Variants in BPGM observed in about 807,000 individuals in gnomAD.
BPGM encodes bisphosphoglycerate mutase, also known as 2,3-bisphosphoglycerate mutase, erythrocyte.
Under a neutral mutation model 21.6 loss-of-function variants are expected in BPGM, and 15 were observed. That is an observed-to-expected ratio of 0.70 (90% CI 0.47 to 1.07). The LOEUF (loss-of-function observed/expected upper bound fraction) is 1.07. BPGM is among the 50% of genes least tolerant of loss of function. BPGM has a pLI of 0.00. For missense variants in BPGM, 273 were observed against 319.0 expected (o/e 0.86, Z 1.10); for synonymous variants, 113 against 116.2 (o/e 0.97, Z 0.18).
At chr7:134,657,652 A>G (rs547145381) in intron 1 of BPGM, among the ~76,000 whole-genome samples, 73 of 152,268 alleles carry the variant, frequency 4.8e-4, no homozygotes, top group African/African-American at 1.5e-3. Flanking sequence ...CTAGAGAGAG[A>G]AGCAGTGTCA....
Position 134,661,685 on chromosome 7 carries a change from C to T in BPGM, c.178C>T (p.Leu60Phe), listed in dbSNP as rs1305552961. ...GTTTGATCTTGTATTCACATCTGTC[C>T]TTAATCGGTCCATTCACACAGCCTG... ...FEFDLVFTSV[L>F]NRSIHTAWLI... is the part of the protein sequence containing the mutation. Residue 60 changes from leucine (L) to phenylalanine (F), a missense_variant, in exon 2 of 3, where the codon CTT (leucine) becomes TTT (phenylalanine). By Grantham distance (22) the Leu-to-Phe change is conservative. Coordinates refer to ENST00000344924, the MANE Select transcript of BPGM (RefSeq NM_001724.5). The surrounding 1 kb of genome is among the most constrained non-coding windows in gnomAD (Gnocchi z 4.6). The T allele has an allele frequency of 6.2e-6, 10 of 1,614,150 alleles. No homozygotes were observed. The highest frequency in any genetic ancestry group is 7.6e-6 in the Non-Finnish European group (9 of 1,180,022).
At chr7:134,672,088 AGTT>A (rs1795913736) in intron 2 of BPGM, among the ~76,000 whole-genome samples, 1 of 152,116 alleles carries the variant, frequency 6.6e-6, no homozygotes, top group South Asian at 2.1e-4. Context: ...CAGAAAATAA[AGTT>A]GTTTGACTTT....
chr7:134,648,414 T>TGTGA (rs918805403), intron 1 of BPGM, among the ~76,000 whole-genome samples: 1 of 151,954 alleles, frequency 6.6e-6, no homozygotes, highest in African/African-American at 2.4e-5. Context: ...GGATTACAGG[T>TGTGA]GTGAGCTACC....
At chr7:134,674,301 G>C (rs555391363) in intron 2 of BPGM, among the ~76,000 whole-genome samples, 109 of 152,250 alleles carry the variant, frequency 7.2e-4, no homozygotes, top group Middle Eastern at 3.4e-3. Context: ...ATGGCTTTTA[G>C]TGTATTCACA....
chr7:134,678,646 G>A (rs1319506546), intron 2 of BPGM, among the ~76,000 whole-genome samples: 3 of 152,222 alleles, frequency 2.0e-5, no homozygotes, highest in Non-Finnish European at 4.4e-5. Context: ...CTACTGTCCT[G>A]ATGTAGCACT....
At chr7:134,649,361 A>T (rs1562965860) in intron 1 of BPGM, among the ~76,000 whole-genome samples, 3 of 152,158 alleles carry the variant, frequency 2.0e-5, no homozygotes, top group African/African-American at 2.4e-5. Flanking sequence ...AGAAGCAACT[A>T]CTGTTAGTGT....
At chr7:134,647,471 A>G (rs897189616) in intron 1 of BPGM, among the ~76,000 whole-genome samples, 2 of 152,222 alleles carry the variant, frequency 1.3e-5, no homozygotes, top group African/African-American at 4.8e-5. Context: ...TAGAACCACT[A>G]GAAATAAAAA....
intron 2 of BPGM, among the ~76,000 whole-genome samples, chr7:134,671,219 A>G (rs1795898920): frequency 1.3e-5 from 2 of 152,222 alleles, no homozygotes; most frequent in African/African-American, 4.8e-5. Context: ...TATAGCACCT[A>G]TATGTGAATG....
intron 2 of BPGM, 84 bp from the exon 3 acceptor site, chr7:134,678,769 G>T: frequency 7.6e-7 from 1 of 1,309,302 alleles, no homozygotes. Context: ...AGTTAAATGG[G>T]ATTAAAGTGC....
rs1392650492 is a variant in BPGM at position 134,661,832 on chromosome 7, G to A, written c.325G>A (p.Glu109Lys). The change falls in exon 2 of 3, where the codon GAA (glutamate) becomes AAA (lysine). Residue 109 changes from glutamate (E) to lysine (K), a missense_variant. Physicochemically the swap from Glu to Lys is moderately conservative, Grantham distance 56 (BLOSUM62 1). Transcript: ENST00000344924. This position sits in a 1 kb window ranked among gnomAD's most constrained non-coding sequence, Gnocchi z 4.6. ...GGAGCAGATGGCTTTGAATCATGGT[G>A]AAGAACAAGTGAGGCTCTGGAGAAG... ...NREQMALNHG[E>K]EQVRLWRRSY... 1.2e-6 allele frequency: 2 copies of A among 1,609,866 alleles called. No individual in the cohort carries two copies. The highest frequency in any genetic ancestry group is 1.7e-6 in the Non-Finnish European group (2 of 1,177,548).
At chr7:134,654,844 G>A (rs2131419230) in intron 1 of BPGM, among the ~76,000 whole-genome samples, 1 of 152,250 alleles carries the variant, frequency 6.6e-6, no homozygotes, top group Non-Finnish European at 1.5e-5. Context: ...AGTAGAGTGG[G>A]TAAGGCACAA....
At chr7:134,670,627 A>AATAG (rs3842148) in intron 2 of BPGM, among the ~76,000 whole-genome samples, 84,394 of 151,444 alleles carry the variant, frequency 0.56, 24,405 homozygotes, top group East Asian at 0.77. Flanking sequence ...TAAAATTAAA[A>AATAG]ATAGATCATT....
At chr7:134,668,027 C>T (rs1300320826) in intron 2 of BPGM, among the ~76,000 whole-genome samples, 1 of 151,828 alleles carries the variant, frequency 6.6e-6, no homozygotes, top group Non-Finnish European at 1.5e-5. Flanking sequence ...GCTAGTATTA[C>T]TCATCTCCTC....
chr7:134,673,147 C>T (rs1795932078), intron 2 of BPGM, among the ~76,000 whole-genome samples: 1 of 151,946 alleles, frequency 6.6e-6, no homozygotes, highest in Admixed American at 6.6e-5. Context: ...GCACTCCAGC[C>T]TGGGCGACAG....
chr7:134,661,930 GTA>G lies in BPGM; in HGVS notation c.426_427del (p.Tyr142Ter). Reference protein sequence around the residue: ...YYQEIYNDRRYKVCDVPLDQL... With the variant: ...YYQEIYNDRRXKVCDVPLDQL... ...ACCAAGAAATCTACAACGACCGGAG[GTA>G]TAAAGTATGCGATGTGCCCTTGGAT... On this transcript the variant is annotated frameshift_variant, in exon 2 of 3. Transcript: ENST00000344924. LOFTEE classifies it high-confidence loss of function. This position sits in a 1 kb window ranked among gnomAD's most constrained non-coding sequence, Gnocchi z 4.6. 1 of 1,614,034 alleles carries G rather than the reference GTA, an allele frequency of 6.2e-7. No individual in the cohort carries two copies. The highest frequency in any genetic ancestry group is 2.2e-5 in the East Asian group (1 of 44,878).
chr7:134,673,329 TTTTA>T (rs1795936076), intron 2 of BPGM, among the ~76,000 whole-genome samples: 1 of 152,194 alleles, frequency 6.6e-6, no homozygotes, highest in Non-Finnish European at 1.5e-5. Context: ...GGAATGTTGA[TTTTA>T]TTTATTTATT....
intron 2 of BPGM, among the ~76,000 whole-genome samples, chr7:134,669,784 C>A (rs113674331): frequency 2.6e-4 from 39 of 152,242 alleles, no homozygotes; most frequent in African/African-American, 9.1e-4. Context: ...CAAAACAAGA[C>A]ATACAGAATA....
Position 134,678,728 on chromosome 7 carries a change from A to G in BPGM, c.602-125A>G. ...CTGGCTTCCAGGAATTATAGCTGGA[A>G]TCCCTCAGTACCTGCATGTTTCAGG... On this transcript the variant is annotated intron_variant, in intron 2 of 2. Coordinates refer to ENST00000344924, the MANE Select transcript of BPGM (RefSeq NM_001724.5). The G allele has an allele frequency of 3.1e-6, 3 of 966,302 alleles. No individual in the cohort carries two copies. The South Asian group carries it at 4.0e-5, about 13-fold the overall frequency. 59.9% of individuals were successfully genotyped at this position (966,302 alleles called of 1,614,324 possible). A position where few individuals can be genotyped will look rare whatever the true frequency, so the allele number is the denominator to read the frequency against.
At chr7:134,662,257 A>C in intron 2 of BPGM, 149 bp downstream of exon 2, 1 of 1,208,392 alleles carries the variant, frequency 8.3e-7, no homozygotes, top group East Asian at 2.5e-5. Context: ...TTGTTCTATA[A>C]ATCAGATCTC....
Sources: gnomAD v4.1 joint callset for allele counts (sites outside exome capture counted in the v4.1 genomes callset) on GRCh38, gnomAD v4.1.1 for gene constraint, Gnocchi (gnomAD v3.1) non-coding constraint, MANE v1.5 for transcripts, NCBI Gene and HGNC (gene_info 2026-07-23, HGNC 2026-07-21) for gene names.